TMEM132D: variants seen among roughly 807,000 people sequenced by gnomAD.
The protein encoded by TMEM132D is mature OL transmembrane protein.
TMEM132D carries 21 observed loss-of-function variants against 62.3 expected under a neutral mutation model. The ratio of observed to expected loss-of-function variants is 0.34; its 90% CI spans 0.24 to 0.49. The LOEUF is 0.49. TMEM132D is among the 20% of genes least tolerant of loss of function. The probability of loss-of-function intolerance (pLI) is 0.99; values close to 1 mark genes in which losing one functional copy is unlikely to be tolerated. For synonymous variants in TMEM132D, 621 were observed against 575.6 expected, an observed-to-expected ratio of 1.08 and a Z score of -1.13; for missense variants, 1,346 against 1,402.8, an observed-to-expected ratio of 0.96 and a Z score of 0.65.
At chr12:129,826,161 G>T (rs1299639476) in intron 1 of TMEM132D, among the ~76,000 whole-genome samples, 1 of 152,186 alleles carries the variant, frequency 6.6e-6, no homozygotes, top group Non-Finnish European at 1.5e-5. Context: ...GTCACTTTCA[G>T]GTGACAACTT....
intron 3 of TMEM132D, among the ~76,000 whole-genome samples, chr12:129,455,220 G>A (rs1873428964): frequency 6.6e-6 from 1 of 152,202 alleles, no homozygotes. Flanking sequence ...ATTGAGACAA[G>A]AACAATGCCT....
intron 5 of TMEM132D, among the ~76,000 whole-genome samples, chr12:129,096,697 G>A (rs1296446453): frequency 2.0e-5 from 3 of 152,124 alleles, no homozygotes; most frequent in Non-Finnish European, 4.4e-5. Flanking sequence ...CAGCCACAGT[G>A]GGCCTCTTAG....
chr12:129,524,095 T>G (rs1310638686), intron 3 of TMEM132D, among the ~76,000 whole-genome samples: 17 of 143,954 alleles, frequency 1.2e-4, no homozygotes, highest in East Asian at 6.1e-4. Flanking sequence ...GTGGGGGGAG[T>G]GGGGAGGGAT....
chr12:129,524,174 A>G (rs1875940713), intron 3 of TMEM132D, among the ~76,000 whole-genome samples: 1 of 152,062 alleles, frequency 6.6e-6, no homozygotes, highest in African/African-American at 2.4e-5. Context: ...TGGCCCATGT[A>G]TACATATGTA....
chr12:129,398,289 T>C (rs1001035639), intron 3 of TMEM132D, among the ~76,000 whole-genome samples: 15 of 152,220 alleles, frequency 9.9e-5, no homozygotes, highest in Admixed American at 6.5e-5. Flanking sequence ...CTATCTTTAG[T>C]GCCTGTTTTC....
intron 1 of TMEM132D, among the ~76,000 whole-genome samples, chr12:129,747,721 CACACAG>C (rs1339000680): frequency 4.0e-5 from 6 of 150,004 alleles, no homozygotes; most frequent in African/African-American, 1.5e-4. Flanking sequence ...CTCAGACATA[CACACAG>C]ACACACACAC....
rs1480859896 is a variant in TMEM132D at position 129,597,508 on chromosome 12, G to A, written c.969-66303C>T. Reference sequence around the variant, plus strand: ...AGTGTTCCATCAAGATTCCCCAGAAGCAAATAACATTCACGGAGTACAAGT... The same window carrying A: ...AGTGTTCCATCAAGATTCCCCAGAAACAAATAACATTCACGGAGTACAAGT... On this transcript the variant is annotated intron_variant, in intron 2 of 8. Coordinates refer to ENST00000422113, the MANE Select transcript of TMEM132D (RefSeq NM_133448.3). Among the ~76,000 whole-genome samples the A allele has an allele frequency of 1.2e-4, 19 of 152,280 alleles. No homozygotes were observed. In the East Asian group the frequency reaches 3.5e-3, roughly 28 times the overall value.
chr12:129,357,948 T>C (rs1391434667), intron 3 of TMEM132D, among the ~76,000 whole-genome samples: 1 of 152,244 alleles, frequency 6.6e-6, no homozygotes, highest in Non-Finnish European at 1.5e-5. Flanking sequence ...CTCTTGGACA[T>C]TATCACAGGA....
At chr12:129,375,698 G>A (rs572040825) in intron 3 of TMEM132D, among the ~76,000 whole-genome samples, 1 of 152,216 alleles carries the variant, frequency 6.6e-6, no homozygotes, top group South Asian at 2.1e-4. Context: ...AGAACATACA[G>A]CAAATATATA....
intron 1 of TMEM132D, among the ~76,000 whole-genome samples, chr12:129,763,467 A>T (rs1439503372): frequency 1.3e-5 from 2 of 148,302 alleles, no homozygotes; most frequent in Non-Finnish European, 3.0e-5. Flanking sequence ...AAATATCAGC[A>T]GCTTTAGGTT....
chr12:129,236,514 C>CAAAAAAAAAAAAAAAAAAAAAAAA (rs60745384), intron 4 of TMEM132D, among the ~76,000 whole-genome samples: 2 of 67,094 alleles, frequency 3.0e-5, no homozygotes, highest in African/African-American at 1.1e-4. Flanking sequence ...GACTCCATCT[C>CAAAAAAAAAAAAAAAAAAAAAAAA]AAAAAAAAAA....
At chr12:129,432,913 T>A (rs1355601687) in intron 3 of TMEM132D, among the ~76,000 whole-genome samples, 1 of 152,182 alleles carries the variant, frequency 6.6e-6, no homozygotes, top group African/African-American at 2.4e-5. Context: ...CCATGGCCCC[T>A]TGGGTCACCT....
chr12:129,744,048 A>G (rs1869695889), intron 1 of TMEM132D, among the ~76,000 whole-genome samples: 1 of 152,218 alleles, frequency 6.6e-6, no homozygotes, highest in Non-Finnish European at 1.5e-5. Flanking sequence ...CTCCCTGCTC[A>G]GGATGGGGAC....
chr12:129,881,946 A>T (rs1874609898), intron 1 of TMEM132D, among the ~76,000 whole-genome samples: 1 of 152,090 alleles, frequency 6.6e-6, no homozygotes, highest in African/African-American at 2.4e-5. Context: ...ACAGGGAATT[A>T]TCGCTACAGA....
intron 3 of TMEM132D, among the ~76,000 whole-genome samples, chr12:129,520,961 A>C (rs1414223605): frequency 1.3e-5 from 2 of 152,224 alleles, no homozygotes; most frequent in Non-Finnish European, 2.9e-5. Flanking sequence ...CCAGACTTTG[A>C]GAGTTGTTCA....
At chr12:129,229,923 C>T (rs189498226) in intron 4 of TMEM132D, among the ~76,000 whole-genome samples, 1 of 152,268 alleles carries the variant, frequency 6.6e-6, no homozygotes, top group East Asian at 1.9e-4. Context: ...TGCAGTTTGG[C>T]CCTGGAATAC....
chr12:129,769,744 A>C (rs1352459815), intron 1 of TMEM132D, among the ~76,000 whole-genome samples: 2 of 152,316 alleles, frequency 1.3e-5, no homozygotes, highest in African/African-American at 4.8e-5. Context: ...AGAGGTCTTA[A>C]CTGGTAAGGA....
At chr12:129,334,604 C>CGTTTT (rs1364240457) in intron 4 of TMEM132D, among the ~76,000 whole-genome samples, 14 of 152,064 alleles carry the variant, frequency 9.2e-5, no homozygotes, top group Non-Finnish European at 7.4e-5. Context: ...CAGCCCACCA[C>CGTTTT]GTTTTGTTTT....
chr12:129,624,963 C>T (rs113140923), intron 2 of TMEM132D, among the ~76,000 whole-genome samples: 81 of 152,354 alleles, frequency 5.3e-4, no homozygotes, highest in African/African-American at 1.8e-3. Flanking sequence ...TTCCCTCTGG[C>T]GACGTGTGAG....
Sources: allele counts gnomAD v4.1 joint callset (sites outside exome capture counted in the v4.1 genomes callset), GRCh38; gene constraint gnomAD v4.1.1; transcripts MANE v1.5; gene names NCBI Gene and HGNC (gene_info 2026-07-23, HGNC 2026-07-21).